The following MACROD2 variants were observed in gnomAD, a reference collection of about 807,000 sequenced individuals.
MACROD2 encodes the protein mono-ADP ribosylhydrolase 2, also known as ADP-ribose glycohydrolase MACROD2.
Under a neutral mutation model 70.4 loss-of-function variants are expected in MACROD2, and 36 were observed. The ratio of observed to expected loss-of-function variants is 0.51; its 90% CI spans 0.39 to 0.68. MACROD2 has a LOEUF of 0.68. Among genes scored for constraint, MACROD2 ranks in the 30% least tolerant of loss-of-function variants. The pLI is 0.00. For synonymous variants in MACROD2, 172 were observed against 178.8 expected, an observed-to-expected ratio of 0.96 and a Z score of 0.30; for missense variants, 496 against 538.4, an observed-to-expected ratio of 0.92 and a Z score of 0.78.
chr20:14,107,586 A>G (rs1963636361), intron 3 of MACROD2, among the ~76,000 whole-genome samples: 1 of 152,184 alleles, frequency 6.6e-6, no homozygotes, highest in South Asian at 2.1e-4. Context: ...AAGGCATTTA[A>G]TAACCAAACT....
intron 5 of MACROD2, among the ~76,000 whole-genome samples, chr20:14,689,638 TC>T (rs1268137999): frequency 6.6e-6 from 1 of 152,190 alleles, no homozygotes; most frequent in Non-Finnish European, 1.5e-5. Context: ...GAAAGCTCTT[TC>T]TTTGCTCCTT....
chr20:14,082,234 A>G (rs2054007321), intron 2 of MACROD2, among the ~76,000 whole-genome samples: 2 of 123,002 alleles, frequency 1.6e-5, no homozygotes, highest in Admixed American at 2.2e-4. Context: ...GCTGGAGTGC[A>G]GTGGCATGAT....
intron 8 of MACROD2, among the ~76,000 whole-genome samples, chr20:15,697,750 T>G (rs1286777512): frequency 6.6e-6 from 1 of 152,182 alleles, no homozygotes; most frequent in Non-Finnish European, 1.5e-5. Flanking sequence ...GTCAGGTGCA[T>G]ATATGTTTAG....
At chr20:15,443,672 C>G (rs2046525225) in intron 7 of MACROD2, among the ~76,000 whole-genome samples, 1 of 152,138 alleles carries the variant, frequency 6.6e-6, no homozygotes, top group Non-Finnish European at 1.5e-5. Context: ...AAACTGGGCT[C>G]TAAGTTCTGT....
intron 12 of MACROD2, among the ~76,000 whole-genome samples, chr20:15,958,326 C>T (rs2066006991): frequency 1.3e-5 from 2 of 152,150 alleles, no homozygotes; most frequent in Admixed American, 6.5e-5. Flanking sequence ...CAGGGCTCCA[C>T]GGCCTTGCCC....
At chr20:14,522,114 T>A (rs1199801541) in intron 4 of MACROD2, among the ~76,000 whole-genome samples, 1 of 152,204 alleles carries the variant, frequency 6.6e-6, no homozygotes, top group Non-Finnish European at 1.5e-5. Context: ...CGAGCAGCTC[T>A]TCTTCTGTCT....
At chr20:15,113,511 A>T (rs2075970652) in intron 5 of MACROD2, among the ~76,000 whole-genome samples, 2 of 152,188 alleles carry the variant, frequency 1.3e-5, no homozygotes, top group Admixed American at 6.5e-5. Flanking sequence ...CAAATGACAT[A>T]ATGTCAGTAT....
At chr20:14,511,789 A>T (rs970593633) in intron 4 of MACROD2, among the ~76,000 whole-genome samples, 2 of 152,086 alleles carry the variant, frequency 1.3e-5, no homozygotes, top group African/African-American at 4.8e-5. Context: ...ATCCTATTAC[A>T]TGTGTGATTT....
intron 5 of MACROD2, among the ~76,000 whole-genome samples, chr20:15,195,470 C>CAT (rs201704418): frequency 0.013 from 1,943 of 151,992 alleles, 36 homozygotes; most frequent in African/African-American, 0.043. Flanking sequence ...AGCCAACAAA[C>CAT]ATGAAAAAAA....
At chr20:15,975,018 A>C (rs1038695725) in intron 13 of MACROD2, among the ~76,000 whole-genome samples, 4 of 152,124 alleles carry the variant, frequency 2.6e-5, no homozygotes, top group Non-Finnish European at 4.4e-5. Flanking sequence ...CAAAAGAGCT[A>C]ATTTTTTTAT....
intron 8 of MACROD2, among the ~76,000 whole-genome samples, chr20:15,640,669 C>A (rs186749602): frequency 2.5e-4 from 38 of 152,340 alleles, no homozygotes; most frequent in Admixed American, 7.8e-4. Flanking sequence ...GAAGGACCTG[C>A]AAATTATTCT....
intron 3 of MACROD2, chr20:14,325,324 T>TA (rs2082716164): frequency 2.6e-6 from 1 of 383,852 alleles, no homozygotes; most frequent in Non-Finnish European, 4.6e-6. Context: ...TACTAAAAAA[T>TA]ACTAAAATAT....
chr20:15,978,659 G>T (rs906646903), intron 13 of MACROD2, among the ~76,000 whole-genome samples: 2 of 151,924 alleles, frequency 1.3e-5, no homozygotes, highest in Non-Finnish European at 2.9e-5. Context: ...GTGGCAATGG[G>T]GAAGAATGAG....
rs575638143 is a variant in MACROD2, at chr20:14,975,022, T to TGGAG, written c.419-254916_419-254913dup. 2.5e-3 allele frequency among the ~76,000 whole-genome samples: 377 copies of TGGAG among 152,278 alleles called. 3 individuals carry two copies. The highest frequency in any genetic ancestry group is 8.6e-3 in the African/African-American group (359 of 41,550). On this transcript the variant is annotated intron_variant, in intron 5 of 17. Coordinates refer to ENST00000684519, the MANE Select transcript of MACROD2 (RefSeq NM_001351661.2). ...TGTGGGTTAGATAATTCTTTGTTAT[T>TGGAG]GGAGGTTGTCCTATACATTGTAGGA...
intron 7 of MACROD2, among the ~76,000 whole-genome samples, chr20:15,489,642 A>C (rs142074268): frequency 2.0e-5 from 3 of 152,298 alleles, no homozygotes; most frequent in African/African-American, 7.2e-5. Flanking sequence ...GCAGAAGGCC[A>C]TGTGTTTGGT....
At chr20:15,010,332 A>G (rs962634709) in intron 5 of MACROD2, among the ~76,000 whole-genome samples, 1 of 152,184 alleles carries the variant, frequency 6.6e-6, no homozygotes, top group Non-Finnish European at 1.5e-5. Context: ...ATGCCTGCTA[A>G]GCCACTTTTA....
intron 4 of MACROD2, among the ~76,000 whole-genome samples, chr20:14,609,263 A>G (rs554153481): frequency 6.6e-6 from 1 of 152,228 alleles, no homozygotes; most frequent in East Asian, 1.9e-4. Flanking sequence ...GAGAGAAGTT[A>G]GAGGATTCAA....
At chr20:14,879,729 G>C (rs1243131256) in intron 5 of MACROD2, among the ~76,000 whole-genome samples, 1 of 152,052 alleles carries the variant, frequency 6.6e-6, no homozygotes, top group Non-Finnish European at 1.5e-5. Flanking sequence ...TAAGACAATT[G>C]GTCATTGTGC....
chr20:15,195,758 C>G (rs6105373), intron 5 of MACROD2, among the ~76,000 whole-genome samples: 53,831 of 151,924 alleles, frequency 0.35, 10,957 homozygotes, highest in East Asian at 0.68. Flanking sequence ...GTAAATTATT[C>G]TATTATAAAG....
Sources: allele counts gnomAD v4.1 joint callset (sites outside exome capture counted in the v4.1 genomes callset), GRCh38; gene constraint gnomAD v4.1.1; transcripts MANE v1.5; gene names NCBI Gene and HGNC (gene_info 2026-07-23, HGNC 2026-07-21).